MACF1: variants seen among roughly 807,000 people sequenced by gnomAD.
MACF1 encodes microtubule-actin cross-linking factor 1.
Under a neutral mutation model 854.8 loss-of-function variants are expected in MACF1, and 193 were observed. That is an observed-to-expected ratio of 0.23 (90% CI 0.20 to 0.25). The LOEUF (loss-of-function observed/expected upper bound fraction) is 0.25. Among genes scored for constraint, MACF1 ranks in the 10% least tolerant of loss-of-function variants. MACF1 has a pLI of 1.00. For missense variants in MACF1, 7,722 were observed against 8,929.1 expected, an observed-to-expected ratio of 0.86 and a Z score of 5.45; for synonymous variants, 3,185 against 3,226.7, an observed-to-expected ratio of 0.99 and a Z score of 0.44.
chr1:39,117,798 A>G (rs1341801909), intron 2 of MACF1, among the ~76,000 whole-genome samples: 3 of 152,246 alleles, frequency 2.0e-5, no homozygotes, highest in African/African-American at 7.2e-5. Flanking sequence ...GACAAAAGAC[A>G]ATAAAGAATG....
At chr1:39,324,870 C>A in intron 35 of MACF1, 136 bp downstream of exon 35, 3 of 594,320 alleles carry the variant, frequency 5.0e-6, no homozygotes, top group Non-Finnish European at 9.0e-6. Flanking sequence ...GTAGTTCATA[C>A]GGAGGAGTTT....
intron 31 of MACF1, among the ~76,000 whole-genome samples, chr1:39,320,829 A>T (rs572091145): frequency 2.6e-5 from 4 of 152,012 alleles, no homozygotes; most frequent in African/African-American, 4.8e-5. Flanking sequence ...AATTAGCTGG[A>T]TGTAGTGGTG....
Position 39,334,703 on chromosome 1 carries a change from A to G in MACF1, c.8115A>G (p.Ala2705=), listed in dbSNP as rs757416299. Residue 2705 remains alanine (A), a synonymous_variant, in exon 37 of 101, where the codon GCA becomes GCG. Transcript: ENST00000564288. ...DTATGKRLTL[A]SALEEKLVDE... ...CTACTGGAAAAAGACTGACATTGGCATCAGCTTTGGAAGAGAAACTGGTGG... is the reference window on the plus strand; with the variant it reads ...CTACTGGAAAAAGACTGACATTGGCGTCAGCTTTGGAAGAGAAACTGGTGG... The G allele has an allele frequency of 5.6e-6, 9 of 1,614,028 alleles. No homozygotes were observed. The highest frequency in any genetic ancestry group is 1.3e-5 in the African/African-American group (1 of 74,928).
At chr1:39,433,650 C>T (rs1003909869) in intron 68 of MACF1, among the ~76,000 whole-genome samples, 1 of 152,162 alleles carries the variant, frequency 6.6e-6, no homozygotes, top group Non-Finnish European at 1.5e-5. Flanking sequence ...CTGAGCTACT[C>T]ATCCTAAACA....
chr1:39,388,724 G>C (rs1641894091), intron 58 of MACF1, 66 bp downstream of exon 58: 1 of 1,422,184 alleles, frequency 7.0e-7, no homozygotes. Context: ...TTGGAAACCA[G>C]TCAAGTATAC....
intron 88 of MACF1, among the ~76,000 whole-genome samples, chr1:39,454,150 A>G (rs1382933050): frequency 1.3e-5 from 2 of 152,186 alleles, no homozygotes; most frequent in Admixed American, 6.5e-5. Flanking sequence ...GTGTATTTCA[A>G]CTGCACAGGT....
chr1:39,372,707 A>G, intron 52 of MACF1, 111 bp downstream of exon 52: 2 of 769,918 alleles, frequency 2.6e-6, no homozygotes, highest in Non-Finnish European at 4.5e-6. Flanking sequence ...ATATGAAAAC[A>G]AAGGGCATGC....
chr1:39,106,529 C>T (rs967301739), intron 2 of MACF1, among the ~76,000 whole-genome samples: 1 of 152,164 alleles, frequency 6.6e-6, no homozygotes, highest in African/African-American at 2.4e-5. Context: ...TTGGGAGGCC[C>T]TTGCCTTGAT....
At chr1:39,278,044 A>G (rs746390283) in intron 6 of MACF1, among the ~76,000 whole-genome samples, 16 of 152,202 alleles carry the variant, frequency 1.1e-4, no homozygotes, top group Non-Finnish European at 2.4e-4. Context: ...TGTGAGATGA[A>G]AGGAAATTCA....
At chr1:39,348,076 ATGT>A (rs917170984) in intron 41 of MACF1, among the ~76,000 whole-genome samples, 2 of 152,220 alleles carry the variant, frequency 1.3e-5, no homozygotes, top group Non-Finnish European at 2.9e-5. Flanking sequence ...CCTTTATTAA[ATGT>A]TGTGCAAAAA....
intron 37 of MACF1, among the ~76,000 whole-genome samples, chr1:39,336,966 T>C (rs1303082204): frequency 1.1e-4 from 16 of 152,222 alleles, no homozygotes; most frequent in Admixed American, 1.0e-3. Flanking sequence ...AAATGATGCT[T>C]GTAGATTGAT....
At chr1:39,296,004 A>G (rs768581316) in intron 20 of MACF1, 122 bp downstream of exon 20, 173 of 778,922 alleles carry the variant, frequency 2.2e-4, no homozygotes, top group Non-Finnish European at 3.3e-4. Context: ...TTAGTTGCTT[A>G]AAACAATAGT....
In MACF1 at chr1:39,387,170, T is replaced by G; in HGVS notation, c.14345-17T>G. 1 of 1,605,848 alleles carries G rather than the reference T, an allele frequency of 6.2e-7. No homozygotes were observed. The highest frequency in any genetic ancestry group is 8.5e-7 in the Non-Finnish European group (1 of 1,176,068). ...GGTTCAGGCTTTATTGATTTCAATT[T>G]TATTTTCTCATTTCAGCCGATCGCA... On this transcript the variant is annotated splice_polypyrimidine_tract_variant and intron_variant, in intron 57 of 100. Coordinates refer to ENST00000564288, the MANE Select transcript of MACF1 (RefSeq NM_001394062.1).
intron 70 of MACF1, 69 bp downstream of exon 70, chr1:39,435,830 G>C: frequency 7.2e-7 from 1 of 1,383,930 alleles, no homozygotes; most frequent in Non-Finnish European, 1.0e-6. Context: ...TCTGTATCAG[G>C]TATGTCTCTG....
At position 39,468,428 on chromosome 1, in the gene MACF1, T is replaced by C. The variant is rs551682843; in HGVS notation, c.21772-187T>C. 2.6e-5 allele frequency among the ~76,000 whole-genome samples: 4 copies of C among 152,334 alleles called. No individual in the cohort carries two copies. The South Asian group carries it at 6.2e-4, about 24-fold the overall frequency. ...TATATCAAGACACCAGTCTTTAGCT[T>C]GATATTTCTGCTTTTCTATTTTTAA... On this transcript the variant is annotated intron_variant, in intron 95 of 100. Transcript: ENST00000564288.
chr1:39,222,488 G>A (rs752156337), intron 1 of MACF1, among the ~76,000 whole-genome samples: 7 of 152,060 alleles, frequency 4.6e-5, no homozygotes, highest in African/African-American at 7.2e-5. Context: ...AATCCTACTC[G>A]TTATCCAAGG....
intron 2 of MACF1, among the ~76,000 whole-genome samples, chr1:39,236,703 C>T (rs930056444): frequency 2.6e-5 from 4 of 152,038 alleles, no homozygotes; most frequent in African/African-American, 9.7e-5. Flanking sequence ...TGCTTTGTTG[C>T]CCGGCTGGAG....
intron 3 of MACF1, among the ~76,000 whole-genome samples, chr1:39,250,435 T>C (rs909378674): frequency 1.3e-5 from 2 of 152,208 alleles, no homozygotes; most frequent in African/African-American, 4.8e-5. Context: ...AAAGGTTTTT[T>C]TGAATTAGGT....
chr1:39,170,357 T>C (rs1425762130), intron 2 of MACF1, among the ~76,000 whole-genome samples: 1 of 152,180 alleles, frequency 6.6e-6, no homozygotes, highest in Non-Finnish European at 1.5e-5. Flanking sequence ...ACAGAGCACT[T>C]ATAAAATGTG....
Sources: allele counts gnomAD v4.1 joint callset (sites outside exome capture counted in the v4.1 genomes callset), GRCh38; gene constraint gnomAD v4.1.1; transcripts MANE v1.5; gene names NCBI Gene and HGNC (gene_info 2026-07-23, HGNC 2026-07-21).